The following SPOCK3 variants were observed in gnomAD, a reference collection of about 807,000 sequenced individuals.
The protein encoded by SPOCK3 is SPARC (osteonectin), cwcv and kazal like domains proteoglycan 3.
SPOCK3 carries 30 observed loss-of-function variants against 56.6 expected under a neutral mutation model. The ratio of observed to expected loss-of-function variants is 0.53; its 90% CI spans 0.40 to 0.72. The LOEUF (loss-of-function observed/expected upper bound fraction) is 0.72, where lower values mean the gene tolerates loss of function less well. SPOCK3 is among the 30% of genes least tolerant of loss of function. The probability of loss-of-function intolerance (pLI) is 0.00; values close to 1 mark genes in which losing one functional copy is unlikely to be tolerated. For synonymous variants in SPOCK3, 196 were observed against 183.3 expected (o/e 1.07, Z -0.56); for missense variants, 527 against 530.0 (o/e 0.99, Z 0.06).
chr4:167,159,877 G>C (rs1242772669), intron 2 of SPOCK3, among the ~76,000 whole-genome samples: 2 of 152,098 alleles, frequency 1.3e-5, no homozygotes, highest in Non-Finnish European at 2.9e-5. Flanking sequence ...ATTAGGTATT[G>C]ATGAGATGTA....
intron 6 of SPOCK3, among the ~76,000 whole-genome samples, chr4:166,858,197 A>T (rs1436066215): frequency 6.6e-6 from 1 of 152,214 alleles, no homozygotes; most frequent in African/African-American, 2.4e-5. Context: ...CACATAGATA[A>T]GAGTTAGTAT....
intron 3 of SPOCK3, among the ~76,000 whole-genome samples, chr4:167,047,099 G>T (rs1158824920): frequency 3.3e-5 from 5 of 152,098 alleles, no homozygotes; most frequent in Admixed American, 2.6e-4. Context: ...AAGACCAAGT[G>T]AATTCTAAGG....
At chr4:166,977,816 T>C (rs1050965270) in intron 4 of SPOCK3, among the ~76,000 whole-genome samples, 7 of 152,176 alleles carry the variant, frequency 4.6e-5, no homozygotes, top group African/African-American at 1.7e-4. Flanking sequence ...GCCAAAGCTC[T>C]TCTCTTTTAA....
chr4:167,092,402 C>G (rs1758781431), intron 2 of SPOCK3, among the ~76,000 whole-genome samples: 1 of 152,162 alleles, frequency 6.6e-6, no homozygotes, highest in Non-Finnish European at 1.5e-5. Context: ...GATCACCTCA[C>G]ACGCTCCTGG....
At chr4:167,200,279 C>A (rs1733392037) in intron 2 of SPOCK3, among the ~76,000 whole-genome samples, 1 of 152,176 alleles carries the variant, frequency 6.6e-6, no homozygotes, top group African/African-American at 2.4e-5. Context: ...AACACAACAG[C>A]ATCTACTGTT....
intron 7 of SPOCK3, among the ~76,000 whole-genome samples, chr4:166,780,438 A>T (rs967860992): frequency 6.6e-6 from 1 of 152,144 alleles, no homozygotes; most frequent in African/African-American, 2.4e-5. Context: ...AAGATAAGGG[A>T]CCCAAGAAAC....
At chr4:167,172,388 G>A (rs1242137084) in intron 2 of SPOCK3, among the ~76,000 whole-genome samples, 2 of 152,138 alleles carry the variant, frequency 1.3e-5, no homozygotes, top group African/African-American at 4.8e-5. Flanking sequence ...CCAACAGAGA[G>A]TCATTCATTT....
chr4:166,869,461 A>AT (rs1321306077), intron 6 of SPOCK3, among the ~76,000 whole-genome samples: 1 of 152,090 alleles, frequency 6.6e-6, no homozygotes, highest in Non-Finnish European at 1.5e-5. Flanking sequence ...TAACAATACT[A>AT]TAACATCTAC....
chr4:167,071,085 GTC>G (rs2150266081), intron 2 of SPOCK3, among the ~76,000 whole-genome samples: 2 of 151,996 alleles, frequency 1.3e-5, no homozygotes. Context: ...TTCCTCATTT[GTC>G]TCTGAAAGTC....
chr4:166,745,450 T>C (rs946861329), intron 8 of SPOCK3, among the ~76,000 whole-genome samples: 1 of 152,156 alleles, frequency 6.6e-6, no homozygotes, highest in Admixed American at 6.6e-5. Context: ...AGGGATTTTC[T>C]CACCACCAGG....
In SPOCK3 at chr4:167,123,740, CTTTTTTTTTTTT is replaced by C. The variant is rs901846399; in HGVS notation, c.190-61215_190-61204del. Among the ~76,000 whole-genome samples, 3 of 118,382 alleles carry C rather than the reference CTTTTTTTTTTTT, an allele frequency of 2.5e-5. No individual in the cohort carries two copies. The Admixed American group carries it at 2.7e-4, about 11-fold the overall frequency. The allele number at this position is 118,382 out of a possible 152,430, so 77.7% of individuals were successfully genotyped here. A position where few individuals can be genotyped will look rare whatever the true frequency, so the allele number is the denominator to read the frequency against. On this transcript the variant is annotated intron_variant, in intron 2 of 10. Transcript: ENST00000357545. The stretch of plus-strand genomic sequence containing the variant: ...ACAGCTCCAACAAGACATTTCTTTT[CTTTTTTTTTTTT>C]TTTTTTTTTAAGACTGAGTCTTCCT...
At chr4:167,074,686 T>C (rs1010129677) in intron 2 of SPOCK3, among the ~76,000 whole-genome samples, 4 of 151,942 alleles carry the variant, frequency 2.6e-5, no homozygotes, top group Non-Finnish European at 5.9e-5. Context: ...AAAGCATGAA[T>C]ACCAGAATGT....
intron 3 of SPOCK3, among the ~76,000 whole-genome samples, chr4:167,028,909 C>G (rs560619395): frequency 6.6e-6 from 1 of 152,084 alleles, no homozygotes; most frequent in East Asian, 1.9e-4. Context: ...AGGATCTTAG[C>G]AATCTTTTTT....
intron 3 of SPOCK3, among the ~76,000 whole-genome samples, chr4:167,008,703 C>T (rs2150140616): frequency 6.6e-6 from 1 of 152,144 alleles, no homozygotes; most frequent in Non-Finnish European, 1.5e-5. Flanking sequence ...ATGGATACAG[C>T]TGGAGGCCAT....
intron 2 of SPOCK3, among the ~76,000 whole-genome samples, chr4:167,088,140 T>C (rs941737815): frequency 6.6e-6 from 1 of 152,156 alleles, no homozygotes. Context: ...TCTAGATGCA[T>C]AGGAGAAAAG....
At chr4:166,745,991 T>A (rs1735559196) in intron 8 of SPOCK3, among the ~76,000 whole-genome samples, 1 of 152,102 alleles carries the variant, frequency 6.6e-6, no homozygotes, top group Non-Finnish European at 1.5e-5. Context: ...ATAAAGCAAG[T>A]CCTTAGAGAC....
chr4:167,186,395 G>A (rs541396704), intron 2 of SPOCK3, among the ~76,000 whole-genome samples: 15 of 152,116 alleles, frequency 9.9e-5, no homozygotes, highest in Non-Finnish European at 2.1e-4. Context: ...TTGGGAGGCC[G>A]AGGTGGGCAG....
chr4:166,924,456 C>A (rs1195670507), intron 4 of SPOCK3, among the ~76,000 whole-genome samples: 1 of 152,166 alleles, frequency 6.6e-6, no homozygotes, highest in Non-Finnish European at 1.5e-5. Flanking sequence ...TGTCACATGA[C>A]TTTTTAGAAT....
rs1246952062 is a variant in SPOCK3, at chr4:167,205,172, T to A, written c.189+28813A>T. Among the ~76,000 whole-genome samples the A allele has an allele frequency of 1.2e-3, 130 of 110,448 alleles. 1 individual carries two copies. Among genetic ancestry groups the A allele is most frequent in the African/African-American group, 4.1e-3 (116 of 28,534 alleles). The allele number at this position is 110,448 out of a possible 152,430, so 72.5% of individuals were successfully genotyped here. On this transcript the variant is annotated intron_variant, in intron 2 of 10. Transcript: ENST00000357545. ...ATATTTTATATATATATAATATATATTATATATTATAGATATTTTATATCT... is the reference window on the plus strand; with the variant it reads ...ATATTTTATATATATATAATATATAATATATATTATAGATATTTTATATCT...
Sources: allele counts gnomAD v4.1 joint callset (sites outside exome capture counted in the v4.1 genomes callset), GRCh38; gene constraint gnomAD v4.1.1; transcripts MANE v1.5; gene names NCBI Gene and HGNC (gene_info 2026-07-23, HGNC 2026-07-21).